The following AKAP12 variants were observed in gnomAD, a reference collection of about 807,000 sequenced individuals.
The protein encoded by AKAP12 is A-kinase anchoring protein 12, also known as A-kinase anchor protein 12.
In AKAP12, 32 loss-of-function variants were observed where a neutral mutation model predicts 79.9. The ratio of observed to expected loss-of-function variants is 0.40; its 90% CI spans 0.30 to 0.54. The LOEUF is 0.54. AKAP12 is among the 20% of genes least tolerant of loss of function. AKAP12 has a pLI of 0.48. For missense variants in AKAP12, 2,074 were observed against 2,177.0 expected (o/e 0.95, Z 0.94); for synonymous variants, 808 against 857.0 (o/e 0.94, Z 1.00).
intron 2 of AKAP12, among the ~76,000 whole-genome samples, chr6:151,260,016 A>G (rs1454171634): frequency 6.6e-6 from 1 of 151,636 alleles, no homozygotes; most frequent in Non-Finnish European, 1.5e-5. Context: ...CAGTTGTTTT[A>G]CTGTGTATTT....
At chr6:151,321,436 G>A (rs140807204) in intron 3 of AKAP12, among the ~76,000 whole-genome samples, 31 of 152,222 alleles carry the variant, frequency 2.0e-4, no homozygotes, top group African/African-American at 2.9e-4. Flanking sequence ...GAATTAAACC[G>A]TGTATGCTCT....
chr6:151,346,183 G>A (rs1485894874), intron 3 of AKAP12, among the ~76,000 whole-genome samples: 1 of 152,060 alleles, frequency 6.6e-6, no homozygotes, highest in African/African-American at 2.4e-5. Context: ...GGTACCTCTG[G>A]TTGTTGTGTT....
chr6:151,259,497 CAT>C (rs1562710229), intron 2 of AKAP12, among the ~76,000 whole-genome samples: 3 of 60,906 alleles, frequency 4.9e-5, no homozygotes, highest in Non-Finnish European at 8.6e-5. Flanking sequence ...CACACATATA[CAT>C]GTATATATAT....
Position 151,350,451 on chromosome 6 carries a change from C to T in AKAP12, c.2060C>T (p.Ser687Leu). 1 of 1,614,012 alleles carries T rather than the reference C, an allele frequency of 6.2e-7. No individual in the cohort carries two copies. Among genetic ancestry groups the T allele is most frequent in the Non-Finnish European group, 8.5e-7 (1 of 1,180,010 alleles). ...VSWEALICVG[S>L]SKKRARRGSS... The stretch of plus-strand genomic sequence containing the variant: ...TGGGAAGCTTTAATTTGTGTGGGAT[C>T]ATCCAAGAAAAGAGCAAGGAGAGGG... Residue 687 changes from serine (S) to leucine (L), a missense_variant, in exon 4 of 5, where the codon TCA (serine) becomes TTA (leucine). Transcript: ENST00000402676. This position sits in a 1 kb window ranked among gnomAD's most constrained non-coding sequence, Gnocchi z 4.8.
At chr6:151,276,174 C>A (rs1776288549) in intron 2 of AKAP12, among the ~76,000 whole-genome samples, 1 of 152,072 alleles carries the variant, frequency 6.6e-6, no homozygotes, top group South Asian at 2.1e-4. Context: ...AACAAAAAAT[C>A]TTGTACTTAA....
At chr6:151,249,556 A>G (rs889238627) in intron 2 of AKAP12, among the ~76,000 whole-genome samples, 1 of 152,204 alleles carries the variant, frequency 6.6e-6, no homozygotes, top group Non-Finnish European at 1.5e-5. Flanking sequence ...GTTCAGTTCT[A>G]AAAAAGTTAA....
At chr6:151,263,249 G>A (rs1263530984) in intron 2 of AKAP12, among the ~76,000 whole-genome samples, 1 of 152,108 alleles carries the variant, frequency 6.6e-6, no homozygotes, top group Non-Finnish European at 1.5e-5. Context: ...TGCCCAGGCT[G>A]GCCTCCAACT....
intron 3 of AKAP12, among the ~76,000 whole-genome samples, chr6:151,338,752 T>C (rs1392941852): frequency 6.6e-6 from 1 of 152,170 alleles, no homozygotes; most frequent in African/African-American, 2.4e-5. Flanking sequence ...CACCCGGCCA[T>C]AGGTTACTCA....
At chr6:151,313,254 C>A (rs891157466) in intron 3 of AKAP12, among the ~76,000 whole-genome samples, 1 of 152,134 alleles carries the variant, frequency 6.6e-6, no homozygotes, top group Admixed American at 6.5e-5. Flanking sequence ...ATGTGGATTC[C>A]TAGTAACGCT....
chr6:151,250,379 G>A (rs1440917120), intron 2 of AKAP12, among the ~76,000 whole-genome samples: 1 of 151,490 alleles, frequency 6.6e-6, no homozygotes, highest in Non-Finnish European at 1.5e-5. Context: ...CCTGCCTGTA[G>A]TCCCAGCTAC....
At chr6:151,327,076 A>AAGTGCT (rs1777547725) in intron 3 of AKAP12, among the ~76,000 whole-genome samples, 1 of 151,204 alleles carries the variant, frequency 6.6e-6, no homozygotes. Context: ...TGGTCTCCCA[A>AAGTGCT]AGTGCTAGGA....
At chr6:151,259,513 C>CACACACATATATACATGTATATAT (rs1797377316) in intron 2 of AKAP12, among the ~76,000 whole-genome samples, 96 of 94,034 alleles carry the variant, frequency 1.0e-3, no homozygotes, top group Non-Finnish European at 1.9e-3. Flanking sequence ...TATATATATA[C>CACACACATATATACATGTATATAT]ACACACACAC....
At chr6:151,311,512 C>T (rs562620243) in intron 3 of AKAP12, among the ~76,000 whole-genome samples, 1 of 152,096 alleles carries the variant, frequency 6.6e-6, no homozygotes, top group African/African-American at 2.4e-5. Flanking sequence ...TGTGATCACA[C>T]CCCCCACCCC....
chr6:151,303,913 G>C (rs1334306000), intron 2 of AKAP12, among the ~76,000 whole-genome samples: 1 of 152,092 alleles, frequency 6.6e-6, no homozygotes, highest in African/African-American at 2.4e-5. Context: ...AAAAACGCTG[G>C]AAATAGTTGG....
intron 2 of AKAP12, among the ~76,000 whole-genome samples, chr6:151,242,284 A>G (rs73782759): frequency 1.2e-3 from 187 of 152,210 alleles, no homozygotes; most frequent in African/African-American, 4.3e-3. Flanking sequence ...GAAATATGGG[A>G]TTTAATCCCT....
intron 2 of AKAP12, among the ~76,000 whole-genome samples, chr6:151,260,682 A>C (rs1321036845): frequency 6.6e-6 from 1 of 152,198 alleles, no homozygotes; most frequent in African/African-American, 2.4e-5. Flanking sequence ...GTCTGAAACG[A>C]GAATTGATAC....
chr6:151,288,280 C>T (rs956646517), intron 2 of AKAP12, among the ~76,000 whole-genome samples: 9 of 151,622 alleles, frequency 5.9e-5, no homozygotes, highest in South Asian at 4.2e-4. Flanking sequence ...TTTGGAAAGC[C>T]GAGGTGGGTG....
intron 3 of AKAP12, among the ~76,000 whole-genome samples, chr6:151,316,771 C>T (rs1416660992): frequency 6.6e-6 from 1 of 152,184 alleles, no homozygotes; most frequent in Non-Finnish European, 1.5e-5. Flanking sequence ...GCTGGGATTA[C>T]AGGCTTGCAC....
rs1282029894 is a variant in AKAP12 at position 151,351,343 on chromosome 6, A to C, written c.2952A>C (p.Pro984=). 3 of 1,614,108 alleles carry C rather than the reference A, an allele frequency of 1.9e-6. No homozygotes were observed. The African/African-American group carries it at 4.0e-5, about 22-fold the overall frequency. Reference sequence around the variant, plus strand: ...TGACAGCTGCAGAAACTGCAGGGCCATTGGGTGCCGAAGAAGGAACCGAAG... The same window carrying C: ...TGACAGCTGCAGAAACTGCAGGGCCCTTGGGTGCCGAAGAAGGAACCGAAG... ...EAVTAAETAG[P]LGAEEGTEAS... is the part of the protein sequence containing the mutation. The change falls in exon 4 of 5, where the codon CCA becomes CCC. Residue 984 remains proline (P), a synonymous_variant. Transcript: ENST00000402676. This position sits in a 1 kb window ranked among gnomAD's most constrained non-coding sequence, Gnocchi z 4.4.
Sources: gnomAD v4.1 joint callset for allele counts (sites outside exome capture counted in the v4.1 genomes callset) on GRCh38, gnomAD v4.1.1 for gene constraint, Gnocchi (gnomAD v3.1) non-coding constraint, MANE v1.5 for transcripts, NCBI Gene and HGNC (gene_info 2026-07-23, HGNC 2026-07-21) for gene names.